The following SF3A3 variants were observed in gnomAD, a reference collection of about 807,000 sequenced individuals.
The protein encoded by SF3A3 is splicing factor 3a subunit 3.
In SF3A3, 9 loss-of-function variants were observed where a neutral mutation model predicts 85.8. The ratio of observed to expected loss-of-function variants is 0.10; its 90% CI spans 0.06 to 0.18. The LOEUF (loss-of-function observed/expected upper bound fraction) is 0.18. Ranked by LOEUF, SF3A3 falls within the 10% of genes least tolerant of loss-of-function variation. SF3A3 has a pLI of 1.00. For missense variants in SF3A3, 306 were observed against 593.3 expected, an observed-to-expected ratio of 0.52 and a Z score of 5.03; for synonymous variants, 195 against 204.4, an observed-to-expected ratio of 0.95 and a Z score of 0.39.
intron 12 of SF3A3, among the ~76,000 whole-genome samples, chr1:37,972,067 G>GTCA (rs1646348397): frequency 6.6e-6 from 1 of 152,164 alleles, no homozygotes; most frequent in Non-Finnish European, 1.5e-5. Flanking sequence ...AAGTCAAATT[G>GTCA]TCCCTGTTTG....
At chr1:37,985,619 T>C (rs773242514) in intron 4 of SF3A3, among the ~76,000 whole-genome samples, 26 of 152,360 alleles carry the variant, frequency 1.7e-4, no homozygotes, top group Non-Finnish European at 3.7e-4. Flanking sequence ...GACTTGCGTC[T>C]GACATTTAGT....
chr1:37,969,990 A>G (rs188194613), intron 12 of SF3A3, among the ~76,000 whole-genome samples: 1 of 152,350 alleles, frequency 6.6e-6, no homozygotes, highest in Non-Finnish European at 1.5e-5. Context: ...AACAGAAAAC[A>G]GTCTCATCTA....
Position 37,969,748 on chromosome 1 carries a change from C to G in SF3A3, c.1006-13G>C. On this transcript the variant is annotated splice_polypyrimidine_tract_variant and intron_variant, in intron 12 of 16. Coordinates refer to ENST00000373019, the MANE Select transcript of SF3A3 (RefSeq NM_006802.4). The stretch of plus-strand genomic sequence containing the variant: ...GATGTCGCTGTTCCTAAAGCAGGTC[C>G]ATAAATGAAAAGTCAGAAAAAAGTA... The G allele has an allele frequency of 6.2e-7, 1 of 1,608,312 alleles. No individual in the cohort carries two copies. Among genetic ancestry groups the G allele is most frequent in the Non-Finnish European group, 8.5e-7 (1 of 1,176,262 alleles).
At chr1:37,962,116 C>CA (rs1463470902) in intron 15 of SF3A3, among the ~76,000 whole-genome samples, 1 of 119,118 alleles carries the variant, frequency 8.4e-6, no homozygotes, top group Non-Finnish European at 1.8e-5. Context: ...ACAAAACAAA[C>CA]AAAAAAAAAC....
At chr1:37,967,490 T>C (rs1236786487) in intron 15 of SF3A3, among the ~76,000 whole-genome samples, 3 of 151,360 alleles carry the variant, frequency 2.0e-5, no homozygotes, top group East Asian at 2.0e-4. Context: ...CCATCCTGGC[T>C]AACACTGTGA....
intron 6 of SF3A3, among the ~76,000 whole-genome samples, chr1:37,983,004 T>C (rs1440336491): frequency 6.6e-6 from 1 of 151,878 alleles, no homozygotes. Flanking sequence ...AATGACACAA[T>C]CTCGGCTTAC....
chr1:37,989,682 C>T (rs1327287534), intron 1 of SF3A3, 87 bp from the exon 2 acceptor site: 5 of 1,498,506 alleles, frequency 3.3e-6, no homozygotes, highest in Non-Finnish European at 4.6e-6. Flanking sequence ...ACCCGCTCAG[C>T]TTTTACCAGC....
chr1:37,975,092 C>T (rs767773295), intron 12 of SF3A3, among the ~76,000 whole-genome samples: 2 of 152,096 alleles, frequency 1.3e-5, no homozygotes, highest in Non-Finnish European at 2.9e-5. Flanking sequence ...GTCCAAAAAC[C>T]AACAGACATC....
rs139368395 is a variant in SF3A3, at chr1:37,987,658, T to C, written c.218A>G (p.Asn73Ser). 4.7e-5 allele frequency: 76 copies of C among 1,614,116 alleles called. No individual in the cohort carries two copies. The highest frequency in any genetic ancestry group is 6.7e-5 in the Admixed American group (4 of 60,026). The change falls in exon 4 of 17, where the codon AAT becomes AGT. Residue 73 changes from asparagine to serine, a missense_variant. By Grantham distance (46) the Asn-to-Ser change is conservative (BLOSUM62 1). Coordinates refer to ENST00000373019, the MANE Select transcript of SF3A3 (RefSeq NM_006802.4). The part of the protein sequence containing the change: ...DKDGLRKEEL[N>S]AISGPNEFAE... ...AAACTCATTGGGTCCTGAAATGGCA[T>C]TGAGCTCCTCCTTTCGTAATCTGCA...
At chr1:37,988,895 A>ATTT (rs1200614023) in intron 2 of SF3A3, among the ~76,000 whole-genome samples, 12 of 147,352 alleles carry the variant, frequency 8.1e-5, no homozygotes, top group African/African-American at 2.5e-4. Context: ...ATATATATAT[A>ATTT]TTTTTTTTTT....
chr1:37,980,841 C>CTTTTTTTTTTTTTTTTTTTTTTTTTTT (rs760972269), intron 7 of SF3A3, 117 bp from the exon 8 acceptor site: 1 of 92,320 alleles, frequency 1.1e-5, no homozygotes. Flanking sequence ...TTTTAATACT[C>CTTTTTTTTTTTTTTTTTTTTTTTTTTT]TTTTTTTTTT....
chr1:37,965,119 T>C (rs1305583233), intron 15 of SF3A3, among the ~76,000 whole-genome samples: 1 of 151,854 alleles, frequency 6.6e-6, no homozygotes, highest in Non-Finnish European at 1.5e-5. Flanking sequence ...GATCAGCCAC[T>C]GCATTCCAGC....
intron 2 of SF3A3, among the ~76,000 whole-genome samples, chr1:37,988,829 G>A (rs1646472502): frequency 6.6e-6 from 1 of 151,396 alleles, no homozygotes; most frequent in African/African-American, 2.4e-5. Flanking sequence ...TAGTATCCTG[G>A]GAGAAAAACA....
At chr1:37,979,350 A>C in intron 9 of SF3A3, 115 bp downstream of exon 9, 1 of 804,616 alleles carries the variant, frequency 1.2e-6, no homozygotes, top group Non-Finnish European at 2.0e-6. Context: ...TAGATGCTTG[A>C]TCTCAAGAAA....
intron 12 of SF3A3, among the ~76,000 whole-genome samples, 157 bp downstream of exon 12, chr1:37,976,727 G>A (rs563562787): frequency 6.6e-6 from 1 of 152,228 alleles, no homozygotes; most frequent in African/African-American, 2.4e-5. Flanking sequence ...GGAACTTACT[G>A]AAGAGCCTTG....
At chr1:37,966,453 T>C (rs1363288092) in intron 15 of SF3A3, among the ~76,000 whole-genome samples, 1 of 152,104 alleles carries the variant, frequency 6.6e-6, no homozygotes, top group African/African-American at 2.4e-5. Context: ...ACTTCTATAT[T>C]TTCCTTTATA....
At chr1:37,959,303 T>A (rs1372878687) in intron 16 of SF3A3, among the ~76,000 whole-genome samples, 1 of 152,158 alleles carries the variant, frequency 6.6e-6, no homozygotes, top group Non-Finnish European at 1.5e-5. Context: ...GGTCTCCAAT[T>A]CCTGGGCTCA....
Position 37,989,947 on chromosome 1 carries a change from G to T in SF3A3, c.19C>A (p.Gln7Lys). ...TTCTCCTCATGATAGCGCCGCTGCT[G>T]CTCCAGTATTGTCTCCATCTTCCCT... METILEQQRRYHEEKER... is the reference protein window; with the variant it reads METILEKQRRYHEEKER... The change falls in exon 1 of 17, where the codon CAG becomes AAG. Residue 7 changes from glutamine (Q) to lysine (K), a missense_variant. Transcript: ENST00000373019. The T allele has an allele frequency of 6.2e-7, 1 of 1,612,146 alleles. No individual in the cohort carries two copies.
At chr1:37,964,254 C>G (rs1422033357) in intron 15 of SF3A3, among the ~76,000 whole-genome samples, 1 of 152,074 alleles carries the variant, frequency 6.6e-6, no homozygotes, top group Non-Finnish European at 1.5e-5. Flanking sequence ...CTCTTAATGA[C>G]TAACCCTTAA....
Sources: allele counts gnomAD v4.1 joint callset (sites outside exome capture counted in the v4.1 genomes callset), GRCh38; gene constraint gnomAD v4.1.1; transcripts MANE v1.5; gene names NCBI Gene and HGNC (gene_info 2026-07-23, HGNC 2026-07-21).